The following SKAP1 variants were observed in gnomAD, a reference collection of about 807,000 sequenced individuals.
The protein encoded by SKAP1 is src kinase-associated phosphoprotein 1.
SKAP1 carries 44 observed loss-of-function variants against 58.5 expected under a neutral mutation model. The observed-to-expected ratio is 0.75, with a 90% confidence interval of 0.59 to 0.97. SKAP1 has a LOEUF of 0.97. Ranked by LOEUF, SKAP1 falls within the 50% of genes least tolerant of loss-of-function variation. SKAP1 has a pLI of 0.00. For missense variants in SKAP1, 390 were observed against 435.2 expected, an observed-to-expected ratio of 0.90 and a Z score of 0.92; for synonymous variants, 127 against 149.7, an observed-to-expected ratio of 0.85 and a Z score of 1.11.
At chr17:48,394,831 G>C (rs189822447) in intron 2 of SKAP1, among the ~76,000 whole-genome samples, 159 of 152,270 alleles carry the variant, frequency 1.0e-3, no homozygotes, top group African/African-American at 3.6e-3. Context: ...TGATTGAATG[G>C]GTGGATGTAA....
At chr17:48,260,610 C>T (rs1017822601) in intron 4 of SKAP1, among the ~76,000 whole-genome samples, 6 of 151,906 alleles carry the variant, frequency 3.9e-5, no homozygotes, top group Non-Finnish European at 7.4e-5. Context: ...TGGAAAATGC[C>T]CAAGAATAAA....
intron 4 of SKAP1, among the ~76,000 whole-genome samples, chr17:48,326,556 T>C (rs1478571378): frequency 6.6e-6 from 1 of 152,218 alleles, no homozygotes; most frequent in Non-Finnish European, 1.5e-5. Flanking sequence ...GAATGGCTTA[T>C]CTAGATCAAA....
At chr17:48,338,582 C>T (rs907996337) in intron 4 of SKAP1, among the ~76,000 whole-genome samples, 4 of 152,028 alleles carry the variant, frequency 2.6e-5, no homozygotes, top group South Asian at 2.1e-4. Flanking sequence ...GGGTTAAATT[C>T]GCAAGGAGTT....
At chr17:48,434,197 GCTGGGGC>G (rs1396279687), upstream of SKAP1, among the ~76,000 whole-genome samples, 1 of 152,206 alleles carries the variant, frequency 6.6e-6, no homozygotes, top group East Asian at 1.9e-4. Context: ...TATTGACAAT[GCTGGGGC>G]CTAATGAGGC....
chr17:48,181,226 G>A (rs1475295401), intron 8 of SKAP1, among the ~76,000 whole-genome samples: 2 of 152,200 alleles, frequency 1.3e-5, no homozygotes, highest in East Asian at 3.8e-4. Context: ...AAACACATTT[G>A]TGGCTTAAAC....
chr17:48,412,143 A>AAAGCCT (rs1237708725), intron 1 of SKAP1, among the ~76,000 whole-genome samples: 1 of 152,234 alleles, frequency 6.6e-6, no homozygotes, highest in Non-Finnish European at 1.5e-5. Context: ...CTAAAAATAT[A>AAAGCCT]AAGCCTATTA....
intron 6 of SKAP1, among the ~76,000 whole-genome samples, chr17:48,186,923 A>G (rs2064462050): frequency 1.3e-5 from 2 of 152,224 alleles, no homozygotes; most frequent in Non-Finnish European, 2.9e-5. Flanking sequence ...TTGCAAGGAA[A>G]AAGAAGAGTC....
Position 48,351,856 on chromosome 17 carries a change from G to C in SKAP1, c.179-5850C>G, listed in dbSNP as rs182772337. ...ACACCTGTGAATCCAACAACCGAAA[G>C]GGCAGCATAGCTTAATGATATTCTC... On this transcript the variant is annotated intron_variant, in intron 3 of 12. Transcript: ENST00000336915. Among the ~76,000 whole-genome samples, 3 of 152,186 alleles carry C rather than the reference G, an allele frequency of 2.0e-5. No individual in the cohort carries two copies. In the East Asian group the frequency reaches 5.8e-4, roughly 29 times the overall value.
intron 4 of SKAP1, among the ~76,000 whole-genome samples, chr17:48,263,748 C>T (rs1206165147): frequency 1.3e-5 from 2 of 152,158 alleles, no homozygotes; most frequent in Non-Finnish European, 2.9e-5. Context: ...CTCCAGTCAT[C>T]GAGTCAACAG....
intron 1 of SKAP1, 118 bp from the exon 2 acceptor site, chr17:48,396,903 T>C: frequency 1.6e-6 from 1 of 634,948 alleles, no homozygotes; most frequent in Non-Finnish European, 2.6e-6. Context: ...AATGTGCACA[T>C]GTACCCTAAA....
At chr17:48,306,266 T>C (rs2066141038) in intron 4 of SKAP1, among the ~76,000 whole-genome samples, 1 of 152,198 alleles carries the variant, frequency 6.6e-6, no homozygotes, top group South Asian at 2.1e-4. Context: ...TCCCATTTTC[T>C]CTGGTCATTT....
At chr17:48,141,166 C>T (rs564874530) in intron 11 of SKAP1, among the ~76,000 whole-genome samples, 13 of 152,202 alleles carry the variant, frequency 8.5e-5, no homozygotes, top group South Asian at 4.1e-4. Flanking sequence ...ATCTTCTTTC[C>T]GTTCCCAGTT....
intron 2 of SKAP1, among the ~76,000 whole-genome samples, chr17:48,374,666 A>G (rs775430188): frequency 1.1e-4 from 17 of 152,234 alleles, no homozygotes; most frequent in Non-Finnish European, 2.2e-4. Flanking sequence ...CAATGCTAAG[A>G]GTCTGTACAC....
At chr17:48,378,999 T>G (rs939618243) in intron 2 of SKAP1, among the ~76,000 whole-genome samples, 1 of 152,044 alleles carries the variant, frequency 6.6e-6, no homozygotes, top group African/African-American at 2.4e-5. Context: ...AAGGTGGGGC[T>G]GGGGTGCCTT....
At chr17:48,214,930 G>GTAAAATAAAA (rs58154261) in intron 4 of SKAP1, among the ~76,000 whole-genome samples, 7,161 of 126,858 alleles carry the variant, frequency 0.056, 456 homozygotes, top group African/African-American at 0.12. Flanking sequence ...TCAAAATAAA[G>GTAAAATAAAA]TAAAATAAAA....
At chr17:48,317,893 G>T (rs1394092542) in intron 4 of SKAP1, among the ~76,000 whole-genome samples, 2 of 151,750 alleles carry the variant, frequency 1.3e-5, no homozygotes, top group East Asian at 3.9e-4. Flanking sequence ...AGTACTTCAA[G>T]AATAAAATAA....
intron 4 of SKAP1, among the ~76,000 whole-genome samples, chr17:48,220,852 CAAAAAAAAAAAA>C (rs56006389): frequency 4.8e-5 from 4 of 83,630 alleles, no homozygotes; most frequent in African/African-American, 1.1e-4. Flanking sequence ...GACTCCATCT[CAAAAAAAAAAAA>C]AAAAAAAAAA....
chr17:48,233,459 C>A (rs1430948252), intron 4 of SKAP1, among the ~76,000 whole-genome samples: 4 of 152,056 alleles, frequency 2.6e-5, no homozygotes, highest in African/African-American at 9.7e-5. Flanking sequence ...AAGAAGGGGA[C>A]AAATTCTGAC....
chr17:48,269,002 CAATAG>C (rs2065591890), intron 4 of SKAP1, among the ~76,000 whole-genome samples: 1 of 151,738 alleles, frequency 6.6e-6, no homozygotes, highest in South Asian at 2.1e-4. Context: ...AAAAATAGAT[CAATAG>C]AATAGGATAA....
Sources: gnomAD v4.1 joint callset for allele counts (sites outside exome capture counted in the v4.1 genomes callset) on GRCh38, gnomAD v4.1.1 for gene constraint, MANE v1.5 for transcripts, NCBI Gene and HGNC (gene_info 2026-07-23, HGNC 2026-07-21) for gene names.